Variants in DCPH1 observed in about 807,000 individuals in gnomAD.
DCPH1 encodes the protein damage control phosphatase 1, also known as damage-control phosphatase 1.
chr6:151,454,594 A>G, the DCPH1 span: 1 of 1,581,522 alleles, frequency 6.3e-7, no homozygotes. Flanking sequence ...ACAGATCTTA[A>G]CTAAGGTTAT....
chr6:151,456,030 T>G, the DCPH1 span, among the ~76,000 whole-genome samples: 6 of 152,250 alleles, frequency 3.9e-5, no homozygotes. Flanking sequence ...ACACAGCACA[T>G]GTTTCAGAGA....
chr6:151,452,469 C>G, the DCPH1 span: 1 of 1,530,804 alleles, frequency 6.5e-7, no homozygotes, highest in Admixed American at 1.8e-5. Flanking sequence ...ATTCTCAGCT[C>G]CTCCTTCGCG....
chr6:151,468,583 G>A, the DCPH1 span: 54 of 1,614,020 alleles, frequency 3.3e-5, no homozygotes, highest in Non-Finnish European at 4.4e-5. Flanking sequence ...AATATTAGCC[G>A]ACTTCTTGTT....
chr6:151,467,677 C>A, the DCPH1 span, among the ~76,000 whole-genome samples: 2 of 151,866 alleles, frequency 1.3e-5, no homozygotes, highest in East Asian at 3.9e-4. Context: ...AGCTGGAAGT[C>A]CTAAACGTGT....
chr6:151,466,720 A>T, the DCPH1 span, among the ~76,000 whole-genome samples: 1 of 152,166 alleles, frequency 6.6e-6, no homozygotes, highest in Non-Finnish European at 1.5e-5. Context: ...TGTAATCTTG[A>T]GGGAATATAG....
the DCPH1 span, among the ~76,000 whole-genome samples, chr6:151,456,052 G>C: frequency 4.6e-5 from 7 of 152,288 alleles, no homozygotes; most frequent in East Asian, 5.8e-4. Context: ...CACGGGGTTG[G>C]GGGTAAGGTT....
chr6:151,454,516 T>C, the DCPH1 span: 1 of 1,033,582 alleles, frequency 9.7e-7, no homozygotes, highest in Admixed American at 1.9e-5. Flanking sequence ...TTGATGCTGC[T>C]AAGTTATATA....
the DCPH1 span, chr6:151,458,628 A>G: frequency 6.9e-7 from 1 of 1,444,084 alleles, no homozygotes; most frequent in Non-Finnish European, 9.4e-7. Context: ...TTTTTCTGAA[A>G]TTGTAAAAGG....
At chr6:151,454,465 T>G in the DCPH1 span, 2 of 730,480 alleles carry the variant, frequency 2.7e-6, no homozygotes, top group Middle Eastern at 2.4e-4. Flanking sequence ...TTAATATACA[T>G]GAAGTGTTCC....
chr6:151,467,683 C>T, the DCPH1 span, among the ~76,000 whole-genome samples: 3 of 151,840 alleles, frequency 2.0e-5, no homozygotes, highest in Non-Finnish European at 4.4e-5. Flanking sequence ...AAGTCCTAAA[C>T]GTGTAATTTT....
chr6:151,464,670 AC>A, the DCPH1 span: 19 of 1,232,652 alleles, frequency 1.5e-5, no homozygotes, highest in Admixed American at 1.9e-4. Context: ...CAGAAAATAA[AC>A]TGCTATACAG....
chr6:151,460,650 G>T, the DCPH1 span, among the ~76,000 whole-genome samples: 2 of 151,774 alleles, frequency 1.3e-5, no homozygotes, highest in Non-Finnish European at 2.9e-5. Context: ...TGGGCGCGGT[G>T]GTGCGCACCT....
At chr6:151,468,460 A>G in the DCPH1 span, 2 of 1,613,226 alleles carry the variant, frequency 1.2e-6, no homozygotes, top group African/African-American at 1.3e-5. Context: ...ATTGAATGAT[A>G]TGGAACATCT....
At chr6:151,459,274 A>C in the DCPH1 span, among the ~76,000 whole-genome samples, 6 of 152,258 alleles carry the variant, frequency 3.9e-5, no homozygotes, top group Non-Finnish European at 7.3e-5. Flanking sequence ...GGACAAAGTA[A>C]GCATATGTTT....
At chr6:151,459,551 G>T in the DCPH1 span, among the ~76,000 whole-genome samples, 1 of 152,126 alleles carries the variant, frequency 6.6e-6, no homozygotes, top group Non-Finnish European at 1.5e-5. Context: ...CAACACTTTG[G>T]GAGGCTAAGG....
At chr6:151,453,426 G>C in the DCPH1 span, among the ~76,000 whole-genome samples, 1 of 152,194 alleles carries the variant, frequency 6.6e-6, no homozygotes, top group African/African-American at 2.4e-5. Context: ...TTGATTTAAT[G>C]TTCCTGCTCA....
the DCPH1 span, among the ~76,000 whole-genome samples, chr6:151,457,543 C>G: frequency 2.6e-5 from 4 of 152,110 alleles, no homozygotes; most frequent in Admixed American, 2.6e-4. Context: ...TCTGAACCTG[C>G]AGAATCTCGA....
At chr6:151,461,412 T>G in the DCPH1 span, among the ~76,000 whole-genome samples, 1 of 152,240 alleles carries the variant, frequency 6.6e-6, no homozygotes, top group Non-Finnish European at 1.5e-5. Flanking sequence ...GGCTTACGCC[T>G]GTGATCTCAG....
At chr6:151,457,072 C>T in the DCPH1 span, among the ~76,000 whole-genome samples, 1 of 152,132 alleles carries the variant, frequency 6.6e-6, no homozygotes, top group South Asian at 2.1e-4. Context: ...CCTATGGCCA[C>T]TCTCCTTGGG....
Sources: gnomAD v4.1 joint callset for allele counts (sites outside exome capture counted in the v4.1 genomes callset) on GRCh38, gnomAD v4.1.1 for gene constraint, MANE v1.5 for transcripts, NCBI Gene and HGNC (gene_info 2026-07-23, HGNC 2026-07-21) for gene names.